Variants in SLC35F4 observed in about 807,000 individuals in gnomAD.
The protein encoded by SLC35F4 is chromosome 14 open reading frame 36.
Under a neutral mutation model 44.2 loss-of-function variants are expected in SLC35F4, and 24 were observed. The observed-to-expected ratio is 0.54, with a 90% CI of 0.39 to 0.76. The LOEUF (loss-of-function observed/expected upper bound fraction) is 0.76. Among genes scored for constraint, SLC35F4 ranks in the 30% least tolerant of loss-of-function variants. SLC35F4 has a pLI of 0.00. For missense variants in SLC35F4, 562 were observed against 586.1 expected, an observed-to-expected ratio of 0.96 and a Z score of 0.42; for synonymous variants, 238 against 223.6, an observed-to-expected ratio of 1.06 and a Z score of -0.57.
At chr14:57,710,796 A>G (rs1282263520) in intron 1 of SLC35F4, among the ~76,000 whole-genome samples, 1 of 152,028 alleles carries the variant, frequency 6.6e-6, no homozygotes. Flanking sequence ...CCTGCTTGGA[A>G]TGGGGATATT....
At chr14:57,586,718 A>C (rs1329131013) in intron 3 of SLC35F4, among the ~76,000 whole-genome samples, 7 of 97,824 alleles carry the variant, frequency 7.2e-5, no homozygotes, top group East Asian at 4.7e-4. Flanking sequence ...ACTCTGTCTC[A>C]AAAAAAAAAA....
At chr14:57,854,307 T>G (rs1326085913) in intron 1 of SLC35F4, among the ~76,000 whole-genome samples, 1 of 152,140 alleles carries the variant, frequency 6.6e-6, no homozygotes. Context: ...AGTAGTTAAA[T>G]GCTTTATAAT....
chr14:57,643,721 C>T (rs545499446), intron 1 of SLC35F4, among the ~76,000 whole-genome samples: 121 of 152,288 alleles, frequency 7.9e-4, no homozygotes, highest in African/African-American at 2.6e-3. Flanking sequence ...CACCCATTAA[C>T]TCCTCATTTA....
chr14:57,814,951 T>C (rs1345098217), intron 1 of SLC35F4, among the ~76,000 whole-genome samples: 2 of 151,700 alleles, frequency 1.3e-5, no homozygotes, highest in African/African-American at 2.4e-5. Context: ...AGAACAGGGG[T>C]TGGCAAGTTA....
intron 1 of SLC35F4, among the ~76,000 whole-genome samples, chr14:57,681,057 T>C (rs368750237): frequency 3.0e-4 from 45 of 151,954 alleles, no homozygotes; most frequent in African/African-American, 9.7e-4. Flanking sequence ...AGAGCCCATA[T>C]AGCCAAGACA....
intron 1 of SLC35F4, among the ~76,000 whole-genome samples, chr14:57,763,921 A>G (rs901689710): frequency 6.6e-6 from 1 of 152,218 alleles, no homozygotes; most frequent in African/African-American, 2.4e-5. Flanking sequence ...TTGACCAATA[A>G]AATGTGACAC....
Position 57,573,334 on chromosome 14 carries a change from G to A in SLC35F4, c.808-1315C>T, listed in dbSNP as rs1344463553. On this transcript the variant is annotated intron_variant, in intron 4 of 7. Transcript: ENST00000556826. ...AATGAAAAACAGCAGGAGTACTTGA[G>A]AATAGACATAGACATGTCAGCAGTG... 3.3e-5 allele frequency among the ~76,000 whole-genome samples: 5 copies of A among 152,152 alleles called. No individual in the cohort carries two copies. In the East Asian group the frequency reaches 5.8e-4, roughly 18 times the overall value.
chr14:57,956,955 A>T (rs1178656562), intron 1 of SLC35F4, among the ~76,000 whole-genome samples: 1 of 152,180 alleles, frequency 6.6e-6, no homozygotes, highest in East Asian at 1.9e-4. Flanking sequence ...TACCCAAAGG[A>T]TTATAAATCA....
At chr14:57,745,305 A>C (rs189810542) in intron 1 of SLC35F4, among the ~76,000 whole-genome samples, 4 of 152,240 alleles carry the variant, frequency 2.6e-5, no homozygotes, top group Non-Finnish European at 5.9e-5. Context: ...CAACCTACAG[A>C]AAGGGAGAAA....
At chr14:57,741,293 GC>G (rs1239391743) in intron 1 of SLC35F4, among the ~76,000 whole-genome samples, 11 of 152,176 alleles carry the variant, frequency 7.2e-5, no homozygotes, top group Non-Finnish European at 1.5e-4. Flanking sequence ...ACTTCTCCGA[GC>G]TAAAGGAGGA....
intron 1 of SLC35F4, among the ~76,000 whole-genome samples, chr14:57,947,430 G>A (rs1432294452): frequency 1.3e-5 from 2 of 152,042 alleles, no homozygotes; most frequent in Non-Finnish European, 2.9e-5. Flanking sequence ...GAGCTTTTTG[G>A]ATGAGTCTTT....
rs537436647 is a variant in SLC35F4 at position 57,647,139 on chromosome 14, C to T, written c.104-53015G>A. Among the ~76,000 whole-genome samples the T allele has an allele frequency of 3.9e-4, 59 of 151,654 alleles. No individual in the cohort carries two copies. The East Asian group carries it at 7.2e-3, about 19-fold the overall frequency. On this transcript the variant is annotated intron_variant, in intron 1 of 7. Transcript: ENST00000556826. ...GAGTTCTGTAGATGTCTATTAGGTC[C>T]GCTTGGTGCAGAGCTGAGTTCAATT... is the stretch of plus-strand genomic sequence containing the variant.
intron 1 of SLC35F4, among the ~76,000 whole-genome samples, chr14:57,690,458 T>A (rs2075198582): frequency 6.6e-6 from 1 of 152,066 alleles, no homozygotes; most frequent in Non-Finnish European, 1.5e-5. Context: ...GTTTTTCTTG[T>A]CTTCTATACC....
Position 57,856,531 on chromosome 14 carries a change from T to G in SLC35F4, c.103+9192A>C, listed in dbSNP as rs566613510. ...ACAAATATCCAGTTTATATGTAAAT[T>G]TATATTTTAAATGCAAAATACACAT... On this transcript the variant is annotated intron_variant, in intron 1 of 7. Transcript: ENST00000556826. 2.6e-4 allele frequency among the ~76,000 whole-genome samples: 39 copies of G among 152,182 alleles called. No individual in the cohort carries two copies. In the South Asian group the frequency reaches 7.9e-3, roughly 31 times the overall value.
chr14:57,937,064 C>CTTTTTTTTTTTTTTTTTTTT (rs11458039), intron 1 of SLC35F4, among the ~76,000 whole-genome samples: 1 of 144,218 alleles, frequency 6.9e-6, no homozygotes, highest in Non-Finnish European at 1.5e-5. Context: ...ATTTTACCTG[C>CTTTTTTTTTTTTTTTTTTTT]TTTTTTTTTT....
At chr14:57,788,169 G>A (rs779418994) in intron 1 of SLC35F4, among the ~76,000 whole-genome samples, 112 of 152,114 alleles carry the variant, frequency 7.4e-4, no homozygotes, top group Non-Finnish European at 1.1e-3. Flanking sequence ...AAGAGACAAG[G>A]AGGGACATTA....
rs558251720 is a variant in SLC35F4 at position 57,624,588 on chromosome 14, T to C, written c.104-30464A>G. Among the ~76,000 whole-genome samples, 13 of 152,186 alleles carry C rather than the reference T, an allele frequency of 8.5e-5. No individual in the cohort carries two copies. In the South Asian group the frequency reaches 2.7e-3, roughly 32 times the overall value. On this transcript the variant is annotated intron_variant, in intron 1 of 7. Transcript: ENST00000556826. ...CTGGAAAACCAAATCCAGCAGCACA[T>C]CAAAAAGTTTATCCACCATGTTCAA...
intron 1 of SLC35F4, among the ~76,000 whole-genome samples, chr14:57,600,267 T>C (rs1179072418): frequency 6.6e-6 from 1 of 152,212 alleles, no homozygotes; most frequent in Non-Finnish European, 1.5e-5. Flanking sequence ...TCCAAGACCT[T>C]TTCCATGACT....
chr14:57,845,487 G>T (rs1885933129), intron 1 of SLC35F4, among the ~76,000 whole-genome samples: 1 of 152,166 alleles, frequency 6.6e-6, no homozygotes, highest in African/African-American at 2.4e-5. Flanking sequence ...TGTGTGCTAT[G>T]GTTTATTATT....
Sources: gnomAD v4.1 joint callset for allele counts (sites outside exome capture counted in the v4.1 genomes callset) on GRCh38, gnomAD v4.1.1 for gene constraint, MANE v1.5 for transcripts, NCBI Gene and HGNC (gene_info 2026-07-23, HGNC 2026-07-21) for gene names.